ESRRG: variants seen among roughly 807,000 people sequenced by gnomAD.
ESRRG encodes the protein estrogen-related receptor gamma.
A neutral mutation model predicts 44.0 loss-of-function variants in ESRRG; 13 were observed. The observed-to-expected ratio is 0.30, with a 90% CI of 0.19 to 0.47. The LOEUF (loss-of-function observed/expected upper bound fraction) is 0.47, where lower values mean the gene tolerates loss of function less well. ESRRG is among the 20% of genes least tolerant of loss of function. The pLI is 1.00. For missense variants in ESRRG, 395 were observed against 580.6 expected, an observed-to-expected ratio of 0.68 and a Z score of 3.29; for synonymous variants, 215 against 214.6, an observed-to-expected ratio of 1.00 and a Z score of -0.02.
At chr1:217,081,577 C>T (rs2091773107) in intron 1 of ESRRG, among the ~76,000 whole-genome samples, 1 of 152,070 alleles carries the variant, frequency 6.6e-6, no homozygotes, top group Non-Finnish European at 1.5e-5. Flanking sequence ...TGGATTTCAA[C>T]GAATGTATTA....
At chr1:216,567,780 A>G (rs926719796) in intron 4 of ESRRG, among the ~76,000 whole-genome samples, 11 of 152,270 alleles carry the variant, frequency 7.2e-5, no homozygotes, top group Non-Finnish European at 8.8e-5. Context: ...GAGAGAGAAA[A>G]CCACAGATAT....
At chr1:216,732,816 A>T (rs374315235) in intron 2 of ESRRG, among the ~76,000 whole-genome samples, 1 of 130,606 alleles carries the variant, frequency 7.7e-6, no homozygotes, top group Admixed American at 8.3e-5. Context: ...CTGCAAACAT[A>T]GTGGAACTCC....
intron 1 of ESRRG, among the ~76,000 whole-genome samples, chr1:217,025,399 T>G (rs180980743): frequency 6.6e-6 from 1 of 152,316 alleles, no homozygotes; most frequent in Admixed American, 6.5e-5. Context: ...ATTTGGCTAT[T>G]TTCTGTACCT....
At chr1:216,679,482 G>T (rs2076657186) in intron 1 of ESRRG, among the ~76,000 whole-genome samples, 1 of 152,048 alleles carries the variant, frequency 6.6e-6, no homozygotes, top group South Asian at 2.1e-4. Context: ...CATACATTAT[G>T]ATCTTAGACT....
chr1:216,928,871 T>C (rs891219868), intron 2 of ESRRG, among the ~76,000 whole-genome samples: 1 of 152,184 alleles, frequency 6.6e-6, no homozygotes, highest in African/African-American at 2.4e-5. Context: ...ACAAACATTG[T>C]ATGATTTTAC....
chr1:216,846,808 G>A (rs893256425), intron 2 of ESRRG, among the ~76,000 whole-genome samples: 1 of 152,036 alleles, frequency 6.6e-6, no homozygotes, highest in Non-Finnish European at 1.5e-5. Context: ...CTGAGGCCCA[G>A]ATAAAGCTGA....
intron 1 of ESRRG, among the ~76,000 whole-genome samples, chr1:217,048,949 T>C (rs1158291780): frequency 6.6e-6 from 1 of 152,184 alleles, no homozygotes; most frequent in Non-Finnish European, 1.5e-5. Flanking sequence ...CTTTGCCCAT[T>C]GGATAGTGAT....
At chr1:217,025,313 C>A (rs542355386) in intron 1 of ESRRG, among the ~76,000 whole-genome samples, 1 of 151,832 alleles carries the variant, frequency 6.6e-6, no homozygotes, top group South Asian at 2.1e-4. Flanking sequence ...AGGGTGACAT[C>A]TATTTCAAAT....
At chr1:216,808,589 C>T (rs2094871521) in intron 2 of ESRRG, among the ~76,000 whole-genome samples, 1 of 151,980 alleles carries the variant, frequency 6.6e-6, no homozygotes, top group Non-Finnish European at 1.5e-5. Flanking sequence ...ACTCCACCGG[C>T]TAATTTTTGT....
At chr1:216,707,443 G>GAT (rs1368523963) in intron 1 of ESRRG, 1 of 1,535,398 alleles carries the variant, frequency 6.5e-7, no homozygotes, top group Non-Finnish European at 8.7e-7. Context: ...GGATCTAAAT[G>GAT]CACAATTCCT....
At chr1:217,040,689 G>T (rs1160603533) in intron 1 of ESRRG, among the ~76,000 whole-genome samples, 1 of 151,938 alleles carries the variant, frequency 6.6e-6, no homozygotes, top group African/African-American at 2.4e-5. Flanking sequence ...GAGCTTATTT[G>T]TTTTGATTAT....
At chr1:216,533,317 G>A (rs2049966970) in intron 5 of ESRRG, among the ~76,000 whole-genome samples, 1 of 152,100 alleles carries the variant, frequency 6.6e-6, no homozygotes, top group Admixed American at 6.6e-5. Context: ...GCATTCGCAG[G>A]ATAATAAATG....
intron 2 of ESRRG, among the ~76,000 whole-genome samples, chr1:216,769,232 C>T (rs1032052572): frequency 1.3e-5 from 2 of 151,990 alleles, no homozygotes; most frequent in African/African-American, 2.4e-5. Context: ...TAAGAATGAA[C>T]AGTATAATTG....
intron 2 of ESRRG, among the ~76,000 whole-genome samples, chr1:216,855,648 T>A (rs926792603): frequency 6.6e-6 from 1 of 152,156 alleles, no homozygotes; most frequent in Non-Finnish European, 1.5e-5. Context: ...GGAAGAGTCC[T>A]CTCTGTGACA....
intron 1 of ESRRG, among the ~76,000 whole-genome samples, chr1:217,109,908 G>C (rs1395226153): frequency 2.0e-5 from 3 of 152,152 alleles, no homozygotes; most frequent in Non-Finnish European, 4.4e-5. Flanking sequence ...CTGGCTTCCA[G>C]AGCACACCAT....
intron 2 of ESRRG, among the ~76,000 whole-genome samples, chr1:216,877,833 T>A (rs976082753): frequency 1.3e-5 from 2 of 152,234 alleles, no homozygotes; most frequent in African/African-American, 4.8e-5. Context: ...ATTTGCTATG[T>A]ACACACCTAG....
chr1:216,642,403 C>T (rs140836020), intron 3 of ESRRG, among the ~76,000 whole-genome samples: 3 of 151,638 alleles, frequency 2.0e-5, no homozygotes, highest in East Asian at 3.9e-4. Flanking sequence ...ATCAACAAAA[C>T]GTGAAAAAAA....
chr1:216,943,218 A>T (rs954529623), intron 1 of ESRRG, among the ~76,000 whole-genome samples: 3 of 152,152 alleles, frequency 2.0e-5, no homozygotes, highest in Non-Finnish European at 2.9e-5. Context: ...TCTCTTTCCT[A>T]TCCCAGAGAA....
chr1:217,010,280 A>T (rs1429610378), intron 1 of ESRRG, among the ~76,000 whole-genome samples: 1 of 152,150 alleles, frequency 6.6e-6, no homozygotes, highest in Non-Finnish European at 1.5e-5. Flanking sequence ...GGCAAAAGAG[A>T]GCCAATTTCT....
Sources: allele counts gnomAD v4.1 joint callset (sites outside exome capture counted in the v4.1 genomes callset), GRCh38; gene constraint gnomAD v4.1.1; transcripts MANE v1.5; gene names NCBI Gene and HGNC (gene_info 2026-07-23, HGNC 2026-07-21).